ABCG2: variants seen among roughly 807,000 people sequenced by gnomAD.
ABCG2 encodes broad substrate specificity ATP-binding cassette transporter ABCG2.
Under a neutral mutation model 73.5 loss-of-function variants are expected in ABCG2, and 80 were observed. That is an observed-to-expected ratio of 1.09 (90% CI 0.91 to 1.31). The LOEUF (loss-of-function observed/expected upper bound fraction) is 1.31, where lower values mean the gene tolerates loss of function less well. Ranked by LOEUF, ABCG2 falls within the 50% of genes most tolerant of loss-of-function variation. ABCG2 has a pLI of 0.00. For missense variants in ABCG2, 796 were observed against 786.2 expected, an observed-to-expected ratio of 1.01 and a Z score of -0.15; for synonymous variants, 269 against 282.4, an observed-to-expected ratio of 0.95 and a Z score of 0.48.
intron 2 of ABCG2, among the ~76,000 whole-genome samples, chr4:88,138,675 A>T (rs1725409326): frequency 6.6e-6 from 1 of 152,194 alleles, no homozygotes; most frequent in Non-Finnish European, 1.5e-5. Flanking sequence ...GGCCTTTCTC[A>T]TGGATACTTA....
intron 1 of ABCG2, among the ~76,000 whole-genome samples, chr4:88,214,555 G>A (rs1729734654): frequency 6.6e-6 from 1 of 152,096 alleles, no homozygotes; most frequent in Admixed American, 6.6e-5. Flanking sequence ...GGAGAAGACA[G>A]AATCTATATA....
intron 1 of ABCG2, among the ~76,000 whole-genome samples, chr4:88,226,231 C>A (rs1285143901): frequency 2.6e-5 from 4 of 152,226 alleles, no homozygotes. Context: ...ATTCTGATTG[C>A]ACTTCCCAGC....
intron 2 of ABCG2, 79 bp from the exon 3 acceptor site, chr4:88,132,714 C>G (rs1724984914): frequency 6.9e-7 from 1 of 1,444,758 alleles, no homozygotes; most frequent in Non-Finnish European, 9.7e-7. Flanking sequence ...ACTGAATATA[C>G]TCAATGAAGG....
At chr4:88,107,346 A>G in intron 9 of ABCG2, 80 bp from the exon 10 acceptor site, 1 of 943,516 alleles carries the variant, frequency 1.1e-6, no homozygotes, top group South Asian at 1.7e-5. Flanking sequence ...TTATTAGTAT[A>G]ATATATGGTT....
intron 13 of ABCG2, 104 bp downstream of exon 13, chr4:88,097,349 A>G: frequency 1.5e-6 from 2 of 1,344,532 alleles, no homozygotes; most frequent in Non-Finnish European, 2.0e-6. Flanking sequence ...GCAGAGCCCC[A>G]TTTACAGAAT....
chr4:88,141,287 T>A (rs944237000), intron 1 of ABCG2, among the ~76,000 whole-genome samples: 1 of 152,132 alleles, frequency 6.6e-6, no homozygotes, highest in South Asian at 2.1e-4. Flanking sequence ...ACTGAAGCAC[T>A]GAAACAAACT....
chr4:88,191,397 T>C (rs1478525285), intron 1 of ABCG2, among the ~76,000 whole-genome samples: 1 of 151,792 alleles, frequency 6.6e-6, no homozygotes, highest in Non-Finnish European at 1.5e-5. Context: ...ATTCAAACCA[T>C]AATGAGATAC....
At chr4:88,097,729 C>T in intron 12 of ABCG2, 122 bp from the exon 13 acceptor site, 1 of 1,094,034 alleles carries the variant, frequency 9.1e-7, no homozygotes, top group Non-Finnish European at 1.3e-6. Context: ...GAAAAAAAGT[C>T]ATCCACTCTC....
chr4:88,212,231 A>G (rs1283036862), intron 1 of ABCG2, among the ~76,000 whole-genome samples: 2 of 152,192 alleles, frequency 1.3e-5, no homozygotes, highest in Admixed American at 1.3e-4. Flanking sequence ...TGAACATCCC[A>G]AAGTGGATCA....
chr4:88,158,830 A>C (rs2110083715), upstream of ABCG2: 1 of 334,374 alleles, frequency 3.0e-6, no homozygotes, highest in South Asian at 2.2e-5. Context: ...AGACCCGGAC[A>C]TCCAGGGGAC....
intron 1 of ABCG2, among the ~76,000 whole-genome samples, chr4:88,172,159 G>A (rs1727780949): frequency 1.3e-5 from 2 of 151,676 alleles, no homozygotes; most frequent in South Asian, 4.2e-4. Flanking sequence ...GCTGGGCATG[G>A]TGGCAGGTGC....
chr4:88,091,925 A>G lies in ABCG2; in HGVS notation c.*309T>C. On this transcript the variant is annotated 3_prime_UTR_variant, in exon 16 of 16. Transcript: ENST00000237612. ...AAAGATGAGGAAACAAATGCCAGAG[A>G]CAGTAATAACTTGTCAGGAGTTTCC... The G allele has an allele frequency of 4.4e-6, 1 of 226,012 alleles. No homozygotes were observed. Among genetic ancestry groups the G allele is most frequent in the Admixed American group, 5.1e-5 (1 of 19,598 alleles). The allele number at this position is 226,012 out of a possible 1,614,324, so 14.0% of individuals were successfully genotyped here.
intron 1 of ABCG2, among the ~76,000 whole-genome samples, chr4:88,154,181 G>C (rs961246755): frequency 5.9e-5 from 9 of 152,314 alleles, no homozygotes; most frequent in African/African-American, 1.7e-4. Flanking sequence ...AACACTAGTT[G>C]CTTTTTTAGC....
rs767101087 is a variant in ABCG2 at position 88,101,251 on chromosome 4, A to C, written c.1346T>G (p.Val449Gly). 1 of 1,614,028 alleles carries C rather than the reference A, an allele frequency of 6.2e-7. No individual in the cohort carries two copies. Among genetic ancestry groups the C allele is most frequent in the South Asian group, 1.1e-5 (1 of 91,084 alleles). ...TCACATGAAGAGCTTCTTCTCTACC[A>C]CAAAGAGTTCCACGGCTGAAACACT... The part of the protein sequence containing the change: ...FSSVSAVELF[V>G]VEKKLFIHEY... The change falls in exon 11 of 16, where the codon GTG becomes GGG. Residue 449 changes from valine (V) to glycine (G), a missense_variant. Coordinates refer to ENST00000237612, the MANE Select transcript of ABCG2 (RefSeq NM_004827.3).
At chr4:88,107,077 A>G in intron 10 of ABCG2, 107 bp downstream of exon 10, 6 of 820,556 alleles carry the variant, frequency 7.3e-6, no homozygotes, top group Non-Finnish European at 1.2e-5. Context: ...TCAATAAAAG[A>G]ATGACATTTA....
intron 1 of ABCG2, among the ~76,000 whole-genome samples, chr4:88,198,843 G>A (rs1326593361): frequency 4.0e-5 from 6 of 151,196 alleles, no homozygotes; most frequent in Admixed American, 4.0e-4. Flanking sequence ...AAAGCAAAGA[G>A]AAAAAAGACC....
At chr4:88,094,450 T>C in intron 15 of ABCG2, 127 bp downstream of exon 15, 1 of 708,074 alleles carries the variant, frequency 1.4e-6, no homozygotes, top group Non-Finnish European at 2.4e-6. Context: ...ACTTTATGGA[T>C]GAGAAAACGT....
intron 12 of ABCG2, among the ~76,000 whole-genome samples, chr4:88,098,722 C>T (rs1722178295): frequency 6.6e-6 from 1 of 151,226 alleles, no homozygotes; most frequent in Non-Finnish European, 1.5e-5. Flanking sequence ...ATAAATATCC[C>T]AGCTTCTCCA....
chr4:88,091,030 C>T lies in ABCG2; in HGVS notation c.*1204G>A, dbSNP rs1721611575. 6.6e-6 allele frequency: 1 copy of T among 152,166 alleles called. No homozygotes were observed. Among genetic ancestry groups the T allele is most frequent in the East Asian group, 1.9e-4 (1 of 5,200 alleles). The allele number at this position is 152,166 out of a possible 1,614,324, so 9.4% of individuals were successfully genotyped here. A position where few individuals can be genotyped will look rare whatever the true frequency, so the allele number is the denominator to read the frequency against. ...TCAACCTATGCACACAGAAACACAA[C>T]ACTTGGCTGTAGCAATGTTCTCATA... On this transcript the variant is annotated 3_prime_UTR_variant, in exon 16 of 16. Transcript: ENST00000237612.
Sources: gnomAD v4.1 joint callset for allele counts (sites outside exome capture counted in the v4.1 genomes callset) on GRCh38, gnomAD v4.1.1 for gene constraint, MANE v1.5 for transcripts, NCBI Gene and HGNC (gene_info 2026-07-23, HGNC 2026-07-21) for gene names.